The following COL28A1 variants were observed in gnomAD, a reference collection of about 807,000 sequenced individuals.
COL28A1 encodes collagen alpha-1(XXVIII) chain.
Under a neutral mutation model 150.2 loss-of-function variants are expected in COL28A1, and 161 were observed. That is an observed-to-expected ratio of 1.07 (90% CI 0.94 to 1.22). The LOEUF is 1.22. Among genes scored for constraint, COL28A1 ranks in the 50% most tolerant of loss-of-function variants. COL28A1 has a pLI of 0.00. For missense variants in COL28A1, 1,617 were observed against 1,388.3 expected (o/e 1.16, Z -2.62); for synonymous variants, 552 against 469.7 (o/e 1.18, Z -2.26).
intron 12 of COL28A1, 75 bp from the exon 13 acceptor site, chr7:7,489,532 G>A: frequency 1.2e-6 from 1 of 836,460 alleles, no homozygotes; most frequent in Non-Finnish European, 2.1e-6. Flanking sequence ...GTTCTCTCAA[G>A]ATTTCAACAA....
Position 7,521,940 on chromosome 7 carries a change from A to G in COL28A1, c.724T>C (p.Cys242Arg), listed in dbSNP as rs1434595363. The G allele has an allele frequency of 3.5e-6, 4 of 1,159,228 alleles. No homozygotes were observed. The highest frequency in any genetic ancestry group is 3.9e-6 in the Non-Finnish European group (3 of 764,142). The allele number at this position is 1,159,228 out of a possible 1,614,324, so 71.8% of individuals were successfully genotyped here. A position where few individuals can be genotyped will look rare whatever the true frequency, so the allele number is the denominator to read the frequency against. The change falls in exon 5 of 35, where the codon TGT becomes CGT. Residue 242 changes from cysteine (C) to arginine (R), a missense_variant. Cys to Arg is a radical substitution (Grantham distance 180, BLOSUM62 -3). Coordinates refer to ENST00000399429, the MANE Select transcript of COL28A1 (RefSeq NM_001037763.3). ...GGATCACCTGGATCTCCCTTCTCAC[A>G]TTCACAAATCTTGCGTTCACACTGA... ...EKKCERKICE[C>R]EKGDPGDPGP...
chr7:7,407,989 C>T (rs1047467216), intron 27 of COL28A1, among the ~76,000 whole-genome samples: 7 of 152,088 alleles, frequency 4.6e-5, no homozygotes, highest in East Asian at 3.8e-4. Flanking sequence ...AGGGTCCTAA[C>T]GAAGTCATCA....
the COL28A1 span, among the ~76,000 whole-genome samples, chr7:7,338,799 T>G: frequency 1.3e-5 from 2 of 152,178 alleles, no homozygotes; most frequent in Admixed American, 1.3e-4. Context: ...CTCTTTAAGC[T>G]GAATTTTGGC....
chr7:7,503,973 A>G (rs1488439775), intron 11 of COL28A1, among the ~76,000 whole-genome samples: 2 of 152,294 alleles, frequency 1.3e-5, no homozygotes, highest in East Asian at 3.9e-4. Context: ...TATATTTTAC[A>G]AAAGAGAGGC....
chr7:7,358,098 A>C lies in COL28A1; in HGVS notation c.*535T>G, dbSNP rs1460449222. On this transcript the variant is annotated 3_prime_UTR_variant, in exon 35 of 35. Transcript: ENST00000399429. ...TACCACTTTCAGGGCAAGTGAGGCAAAAATCTAACTACCCTCACCATCCCG... is the reference window on the plus strand; with the variant it reads ...TACCACTTTCAGGGCAAGTGAGGCACAAATCTAACTACCCTCACCATCCCG... 6.6e-6 allele frequency: 1 copy of C among 152,226 alleles called. No homozygotes were observed. The highest frequency in any genetic ancestry group is 1.5e-5 in the Non-Finnish European group (1 of 68,080). 9.4% of individuals were successfully genotyped at this position (152,226 alleles called of 1,614,324 possible). A position where few individuals can be genotyped will look rare whatever the true frequency, so the allele number is the denominator to read the frequency against.
At chr7:7,391,798 CTGCTTT>C (rs1291913424) in intron 27 of COL28A1, among the ~76,000 whole-genome samples, 10 of 95,412 alleles carry the variant, frequency 1.0e-4, no homozygotes, top group East Asian at 3.0e-4. Context: ...ATTGCAACCC[CTGCTTT>C]TTTTTTTTTT....
intron 5 of COL28A1, among the ~76,000 whole-genome samples, chr7:7,521,045 T>C (rs1397993430): frequency 1.3e-5 from 2 of 152,170 alleles, no homozygotes; most frequent in Non-Finnish European, 2.9e-5. Context: ...TTCTAATTCA[T>C]TCACAGTACA....
chr7:7,400,278 T>C (rs753525260), intron 27 of COL28A1, among the ~76,000 whole-genome samples: 2 of 152,190 alleles, frequency 1.3e-5, no homozygotes, highest in Non-Finnish European at 2.9e-5. Flanking sequence ...GAGCCCTAAA[T>C]GTAACCACAA....
chr7:7,523,668 A>T (rs751833128), intron 4 of COL28A1, among the ~76,000 whole-genome samples: 2 of 152,072 alleles, frequency 1.3e-5, no homozygotes, highest in Non-Finnish European at 2.9e-5. Context: ...CCAGGACAGG[A>T]CTCCTCAGCA....
At chr7:7,379,387 G>C (rs756814184) in intron 30 of COL28A1, among the ~76,000 whole-genome samples, 1 of 152,028 alleles carries the variant, frequency 6.6e-6, no homozygotes, top group South Asian at 2.1e-4. Flanking sequence ...TCTGCCTCTT[G>C]GTTGAAAAGC....
chr7:7,423,524 G>A (rs139250863), intron 25 of COL28A1, among the ~76,000 whole-genome samples: 20 of 151,890 alleles, frequency 1.3e-4, no homozygotes, highest in East Asian at 3.9e-4. Flanking sequence ...TACATCTGTC[G>A]TGTGTATTCT....
chr7:7,432,600 G>T, intron 24 of COL28A1, 32 bp downstream of exon 24: 1 of 1,612,506 alleles, frequency 6.2e-7, no homozygotes, highest in Non-Finnish European at 8.5e-7. Context: ...CACTCAAAAA[G>T]GAGGGAGGGA....
At chr7:7,498,938 T>C (rs1418255404) in intron 11 of COL28A1, among the ~76,000 whole-genome samples, 1 of 152,088 alleles carries the variant, frequency 6.6e-6, no homozygotes, top group Non-Finnish European at 1.5e-5. Context: ...AGAGTATATA[T>C]ACCCCATCTG....
Position 7,465,119 on chromosome 7 carries a change from G to T in COL28A1, c.1303-9007C>A, listed in dbSNP as rs1377807183. On this transcript the variant is annotated intron_variant, in intron 15 of 34. Transcript: ENST00000399429. ...GGGGAGGAGCCAAGATGGCCGAATAGGAACAGCTCCGGTCTACAGCTCCCA... is the reference window on the plus strand; with the variant it reads ...GGGGAGGAGCCAAGATGGCCGAATATGAACAGCTCCGGTCTACAGCTCCCA... Among the ~76,000 whole-genome samples the T allele has an allele frequency of 3.3e-5, 5 of 152,116 alleles. No homozygotes were observed. In the East Asian group the frequency reaches 9.7e-4, roughly 30 times the overall value.
chr7:7,415,457 A>G lies in COL28A1; in HGVS notation c.2136+2402T>C, dbSNP rs74447931. ...GCCACAGTCAGGAAAATGAGATGGA[A>G]GTCCTGAGGGACGAACCTCTGCCCT... On this transcript the variant is annotated intron_variant, in intron 27 of 34. Coordinates refer to ENST00000399429, the MANE Select transcript of COL28A1 (RefSeq NM_001037763.3). Among the ~76,000 whole-genome samples the G allele has an allele frequency of 1.0e-2, 1,521 of 152,326 alleles. 25 individuals are homozygous for G. The highest frequency in any genetic ancestry group is 0.035 in the African/African-American group (1,455 of 41,558).
At chr7:7,440,229 G>A (rs970764643) in intron 21 of COL28A1, among the ~76,000 whole-genome samples, 2 of 152,100 alleles carry the variant, frequency 1.3e-5, no homozygotes, top group African/African-American at 4.8e-5. Flanking sequence ...TTTTTTCTCT[G>A]AATAATTCGA....
At chr7:7,375,383 G>C in intron 31 of COL28A1, 78 bp downstream of exon 31, 1 of 1,324,350 alleles carries the variant, frequency 7.6e-7, no homozygotes, top group Non-Finnish European at 1.0e-6. Flanking sequence ...ACATCTGGAC[G>C]AACACATTCT....
intron 27 of COL28A1, among the ~76,000 whole-genome samples, chr7:7,387,528 G>A (rs1200008755): frequency 6.6e-6 from 1 of 151,972 alleles, no homozygotes; most frequent in Non-Finnish European, 1.5e-5. Context: ...TGATGTATTA[G>A]GAGTAAATGG....
chr7:7,511,369 G>C (rs1004947938), intron 8 of COL28A1, among the ~76,000 whole-genome samples: 1 of 152,028 alleles, frequency 6.6e-6, no homozygotes, highest in Non-Finnish European at 1.5e-5. Context: ...AATGTAATAA[G>C]GTTTGACATT....
Sources: allele counts gnomAD v4.1 joint callset (sites outside exome capture counted in the v4.1 genomes callset), GRCh38; gene constraint gnomAD v4.1.1; transcripts MANE v1.5; gene names NCBI Gene and HGNC (gene_info 2026-07-23, HGNC 2026-07-21).